PDE4D: variants seen among roughly 807,000 people sequenced by gnomAD.
PDE4D encodes the protein 3',5'-cyclic-AMP phosphodiesterase 4D.
A neutral mutation model predicts 87.4 loss-of-function variants in PDE4D; 24 were observed. That is an observed-to-expected ratio of 0.27 (90% CI 0.20 to 0.39). The LOEUF (loss-of-function observed/expected upper bound fraction) is 0.39, where lower values mean the gene tolerates loss of function less well. Ranked by LOEUF, PDE4D falls within the 10% of genes least tolerant of loss-of-function variation. The pLI is 1.00. For synonymous variants in PDE4D, 384 were observed against 383.2 expected, an observed-to-expected ratio of 1.00 and a Z score of -0.02; for missense variants, 714 against 1,041.0, an observed-to-expected ratio of 0.69 and a Z score of 4.32.
chr5:59,600,883 G>T (rs1827407947), intron 1 of PDE4D, among the ~76,000 whole-genome samples: 1 of 152,136 alleles, frequency 6.6e-6, no homozygotes, highest in Non-Finnish European at 1.5e-5. Context: ...CAGTAGGCTT[G>T]GATCTCTAGA....
intron 1 of PDE4D, among the ~76,000 whole-genome samples, chr5:59,702,935 A>G (rs1016815536): frequency 9.9e-5 from 15 of 151,930 alleles, no homozygotes; most frequent in Non-Finnish European, 2.1e-4. Context: ...AATGCATCCA[A>G]GTATCATAAG....
intron 1 of PDE4D, among the ~76,000 whole-genome samples, chr5:59,722,443 C>T (rs922391786): frequency 2.0e-5 from 3 of 152,194 alleles, no homozygotes; most frequent in Non-Finnish European, 4.4e-5. Context: ...TATTCTAGAA[C>T]CTTTGCAAAT....
intron 1 of PDE4D, among the ~76,000 whole-genome samples, chr5:59,764,407 A>G (rs1432314847): frequency 6.6e-6 from 1 of 152,188 alleles, no homozygotes; most frequent in East Asian, 1.9e-4. Context: ...GGGAAACTGA[A>G]GCACACGTTA....
chr5:59,061,568 C>G (rs2936202), intron 5 of PDE4D, among the ~76,000 whole-genome samples: 15,654 of 152,104 alleles, frequency 0.1, 926 homozygotes, highest in Admixed American at 0.15. Context: ...TGTATAACAT[C>G]CACTACAGTT....
At chr5:59,384,357 GGCCAATCAGCA>G (rs2153604578) in intron 1 of PDE4D, among the ~76,000 whole-genome samples, 2 of 152,218 alleles carry the variant, frequency 1.3e-5, no homozygotes, top group East Asian at 3.9e-4. Context: ...GACTAATTCT[GGCCAATCAGCA>G]GCCAAGCGTT....
At chr5:60,287,812 C>T (rs542054198) in intron 1 of PDE4D, among the ~76,000 whole-genome samples, 62 of 152,292 alleles carry the variant, frequency 4.1e-4, no homozygotes, top group African/African-American at 1.4e-3. Flanking sequence ...CACTAGCTCT[C>T]ATTTGACACA....
intron 1 of PDE4D, among the ~76,000 whole-genome samples, chr5:59,281,371 A>C (rs1765771455): frequency 6.6e-6 from 1 of 152,068 alleles, no homozygotes; most frequent in Non-Finnish European, 1.5e-5. Context: ...TGACTTTTTA[A>C]AGAAAAAAAT....
chr5:59,864,399 A>G (rs1746719823), intron 1 of PDE4D, among the ~76,000 whole-genome samples: 1 of 152,178 alleles, frequency 6.6e-6, no homozygotes, highest in Non-Finnish European at 1.5e-5. Context: ...ATTTTCTGTG[A>G]ATTGACTCTA....
At chr5:59,904,694 T>C (rs998614105) in intron 3 of PDE4D, among the ~76,000 whole-genome samples, 5 of 152,144 alleles carry the variant, frequency 3.3e-5, no homozygotes, top group Non-Finnish European at 7.4e-5. Flanking sequence ...TCTTAATCTG[T>C]CCTCAAGGAA....
At chr5:59,211,907 C>A (rs1212803781) in intron 2 of PDE4D, among the ~76,000 whole-genome samples, 1 of 152,044 alleles carries the variant, frequency 6.6e-6, no homozygotes, top group Admixed American at 6.6e-5. Context: ...TATATTTAAA[C>A]TTAAAGAGTA....
intron 1 of PDE4D, among the ~76,000 whole-genome samples, chr5:60,514,736 T>A (rs567247202): frequency 6.6e-6 from 1 of 150,930 alleles, no homozygotes; most frequent in South Asian, 2.1e-4. Flanking sequence ...ACAAAAAAAA[T>A]AACTCAATAT....
intron 1 of PDE4D, among the ~76,000 whole-genome samples, chr5:60,202,025 A>G (rs1741975338): frequency 6.6e-6 from 1 of 152,236 alleles, no homozygotes. Flanking sequence ...AACTTTAAAT[A>G]TGAAAAAGGA....
At chr5:59,274,737 TTGAAAC>T (rs779458909) in intron 1 of PDE4D, among the ~76,000 whole-genome samples, 81 of 152,182 alleles carry the variant, frequency 5.3e-4, no homozygotes, top group Non-Finnish European at 1.1e-3. Context: ...TTAGAATACA[TTGAAAC>T]TGACATATTT....
At chr5:59,498,706 T>A (rs1807681854) in intron 1 of PDE4D, among the ~76,000 whole-genome samples, 2 of 151,724 alleles carry the variant, frequency 1.3e-5, no homozygotes, top group Non-Finnish European at 2.9e-5. Context: ...AATGATAAAG[T>A]GTTCAATTCA....
At chr5:59,443,998 C>T (rs1798002612) in intron 1 of PDE4D, among the ~76,000 whole-genome samples, 1 of 152,116 alleles carries the variant, frequency 6.6e-6, no homozygotes, top group Non-Finnish European at 1.5e-5. Flanking sequence ...TCTCAGTGAG[C>T]TAGTAAACAT....
chr5:59,108,601 T>G (rs1385291708), intron 5 of PDE4D, among the ~76,000 whole-genome samples: 1 of 152,024 alleles, frequency 6.6e-6, no homozygotes, highest in Non-Finnish European at 1.5e-5. Flanking sequence ...ATTCTTACCT[T>G]AAAAAATATT....
At chr5:59,418,423 CCTTCAT>C (rs1793959293) in intron 1 of PDE4D, among the ~76,000 whole-genome samples, 1 of 152,162 alleles carries the variant, frequency 6.6e-6, no homozygotes, top group East Asian at 1.9e-4. Flanking sequence ...CCTGAAATGC[CCTTCAT>C]CTTCAACTCT....
At chr5:60,072,305 C>T (rs368628976) in intron 2 of PDE4D, among the ~76,000 whole-genome samples, 13 of 151,976 alleles carry the variant, frequency 8.6e-5, no homozygotes, top group African/African-American at 2.2e-4. Flanking sequence ...GTTAGCTGCA[C>T]GTACTTTTTT....
intron 2 of PDE4D, among the ~76,000 whole-genome samples, chr5:60,094,996 A>G (rs1021512999): frequency 6.6e-6 from 1 of 152,158 alleles, no homozygotes; most frequent in African/African-American, 2.4e-5. Context: ...ATGAAGCAAG[A>G]TAACAAAAAT....
Sources: gnomAD v4.1 joint callset for allele counts (sites outside exome capture counted in the v4.1 genomes callset) on GRCh38, gnomAD v4.1.1 for gene constraint, MANE v1.5 for transcripts, NCBI Gene and HGNC (gene_info 2026-07-23, HGNC 2026-07-21) for gene names.